The following KDSR variants were observed in gnomAD, a reference collection of about 807,000 sequenced individuals.
The protein encoded by KDSR is 3-ketodihydrosphingosine reductase.
A neutral mutation model predicts 41.3 loss-of-function variants in KDSR; 23 were observed. That is an observed-to-expected ratio of 0.56 (90% CI 0.40 to 0.79). The LOEUF (loss-of-function observed/expected upper bound fraction) is 0.79, where lower values mean the gene tolerates loss of function less well. Ranked by LOEUF, KDSR falls within the 30% of genes least tolerant of loss-of-function variation. The probability of loss-of-function intolerance (pLI) is 0.00; values close to 1 mark genes in which losing one functional copy is unlikely to be tolerated. For missense variants in KDSR, 351 were observed against 416.8 expected, an observed-to-expected ratio of 0.84 and a Z score of 1.37; for synonymous variants, 138 against 151.7, an observed-to-expected ratio of 0.91 and a Z score of 0.66.
chr18:63,366,405 C>G (rs950689750), intron 1 of KDSR: 1 of 152,490 alleles, frequency 6.6e-6, no homozygotes, highest in Non-Finnish European at 1.5e-5. Context: ...GTCCCAATAC[C>G]GCTAAGCCAC....
Position 63,331,859 on chromosome 18 carries a change from G to T in KDSR, c.922C>A (p.Leu308Ile). 6.2e-7 allele frequency: 1 copy of T among 1,613,902 alleles called. No individual in the cohort carries two copies. The highest frequency in any genetic ancestry group is 1.1e-5 in the South Asian group (1 of 90,984). Residue 308 changes from leucine (L) to isoleucine (I), a missense_variant, in exon 10 of 10, where the codon CTT becomes ATT. Transcript: ENST00000645214. ...CGAACTATGCTGTCAAAACTTCCAA[G>T]GTAAAACAAAGCAATAGTGCGGAAA... ...GLFRTIALFY[L>I]GSFDSIVRRC...
chr18:63,355,972 A>C (rs1914782594), intron 3 of KDSR, among the ~76,000 whole-genome samples: 4 of 152,198 alleles, frequency 2.6e-5, no homozygotes, highest in African/African-American at 9.7e-5. Flanking sequence ...CAAAATTCCT[A>C]AGAAAAGGAA....
At position 63,330,293 on chromosome 18, in the gene KDSR, C is replaced by T. The variant is rs972747301; in HGVS notation, c.*1489G>A. The stretch of plus-strand genomic sequence containing the variant: ...TTCAAAAACAGAGGTCTTTTCTCAC[C>T]GAAGTGATCTGGAATGTGCTACCGT... On this transcript the variant is annotated 3_prime_UTR_variant, in exon 10 of 10. Coordinates refer to ENST00000645214, the MANE Select transcript of KDSR (RefSeq NM_002035.4). 1 of 215,870 alleles carries T rather than the reference C, an allele frequency of 4.6e-6. No homozygotes were observed. The highest frequency in any genetic ancestry group is 6.8e-5 in the East Asian group (1 of 14,642). The allele number at this position is 215,870 out of a possible 1,614,324, so 13.4% of individuals were successfully genotyped here.
intron 9 of KDSR, among the ~76,000 whole-genome samples, chr18:63,333,258 C>T (rs1914065138): frequency 6.6e-6 from 1 of 152,014 alleles, no homozygotes; most frequent in African/African-American, 2.4e-5. Context: ...TTTTCTTTTA[C>T]ATTTTTTTGT....
chr18:63,342,639 A>T (rs1914375492), intron 7 of KDSR, among the ~76,000 whole-genome samples: 1 of 152,230 alleles, frequency 6.6e-6, no homozygotes, highest in Non-Finnish European at 1.5e-5. Context: ...TATGAGCACT[A>T]AACCTGATTT....
chr18:63,332,629 A>G (rs1482141316), intron 9 of KDSR, among the ~76,000 whole-genome samples: 2 of 152,140 alleles, frequency 1.3e-5, no homozygotes, highest in Non-Finnish European at 2.9e-5. Flanking sequence ...CAGGAGATTG[A>G]GACCATCCTG....
chr18:63,351,569 C>T (rs1914662758), intron 5 of KDSR, among the ~76,000 whole-genome samples: 1 of 152,120 alleles, frequency 6.6e-6, no homozygotes, highest in African/African-American at 2.4e-5. Context: ...GAAAGTCAGA[C>T]ATTCTACTTA....
At position 63,359,662 on chromosome 18, in the gene KDSR, G is replaced by A; in HGVS notation, c.255+74C>T. 3 of 947,066 alleles carry A rather than the reference G, an allele frequency of 3.2e-6. No homozygotes were observed. In the South Asian group the frequency reaches 3.9e-5, roughly 12 times the overall value. The allele number at this position is 947,066 out of a possible 1,614,324, so 58.7% of individuals were successfully genotyped here. ...TGCTTTCAATTAACTATTCACAGGT[G>A]AAGTAACTCTGTTTTTCCTTTATAC... On this transcript the variant is annotated intron_variant, in intron 3 of 9. Coordinates refer to ENST00000645214, the MANE Select transcript of KDSR (RefSeq NM_002035.4).
intron 5 of KDSR, among the ~76,000 whole-genome samples, chr18:63,351,710 A>G (rs1010043523): frequency 6.6e-6 from 1 of 152,206 alleles, no homozygotes; most frequent in Non-Finnish European, 1.5e-5. Context: ...TATGATGGGT[A>G]AGAGTACTAA....
At chr18:63,342,397 T>C (rs1484391939) in intron 7 of KDSR, among the ~76,000 whole-genome samples, 2 of 152,036 alleles carry the variant, frequency 1.3e-5, no homozygotes, top group African/African-American at 4.8e-5. Context: ...ACACCACCGC[T>C]GGGTGGCAGA....
intron 2 of KDSR, 121 bp downstream of exon 2, chr18:63,362,658 C>T: frequency 1.5e-6 from 1 of 648,842 alleles, no homozygotes; most frequent in Non-Finnish European, 2.7e-6. Flanking sequence ...GTTCAGGAAA[C>T]ACATCTCACA....
chr18:63,360,679 T>C (rs1914933010), intron 2 of KDSR, among the ~76,000 whole-genome samples: 1 of 151,850 alleles, frequency 6.6e-6, no homozygotes, highest in South Asian at 2.1e-4. Flanking sequence ...GCTCAGGAGT[T>C]TGAGACCAGC....
At chr18:63,337,971 C>T (rs1914231236) in intron 8 of KDSR, among the ~76,000 whole-genome samples, 1 of 152,148 alleles carries the variant, frequency 6.6e-6, no homozygotes, top group African/African-American at 2.4e-5. Flanking sequence ...ACAAAAAACA[C>T]CAAATGCATT....
chr18:63,363,592 G>A (rs1446054157), intron 1 of KDSR, among the ~76,000 whole-genome samples: 1 of 151,530 alleles, frequency 6.6e-6, no homozygotes, highest in African/African-American at 2.4e-5. Flanking sequence ...TGGTGTATAT[G>A]TGCCACATTT....
chr18:63,349,257 C>T (rs1914597460), intron 6 of KDSR, among the ~76,000 whole-genome samples: 1 of 152,084 alleles, frequency 6.6e-6, no homozygotes, highest in African/African-American at 2.4e-5. Context: ...GTAGTGTGCA[C>T]TTGTGGTCTT....
intron 7 of KDSR, among the ~76,000 whole-genome samples, chr18:63,339,224 C>T (rs1568276642): frequency 1.3e-5 from 2 of 151,700 alleles, no homozygotes; most frequent in African/African-American, 4.8e-5. Flanking sequence ...TGGCCGGACA[C>T]CTGAATGATG....
chr18:63,348,710 T>C (rs1914585348), intron 6 of KDSR, among the ~76,000 whole-genome samples: 1 of 152,180 alleles, frequency 6.6e-6, no homozygotes, highest in South Asian at 2.1e-4. Flanking sequence ...TTCTTTTTCC[T>C]CTTTTTTAGC....
In KDSR at chr18:63,338,846, A is replaced by C; in HGVS notation, c.731T>G (p.Val244Gly). 1 of 1,609,918 alleles carries C rather than the reference A, an allele frequency of 6.2e-7. No individual in the cohort carries two copies. Among genetic ancestry groups the C allele is most frequent in the South Asian group, 1.1e-5 (1 of 89,932 alleles). The change falls in exon 8 of 10, where the codon GTG becomes GGG. Residue 244 changes from valine to glycine, a missense_variant. Val to Gly is a moderately radical substitution (Grantham distance 109). Coordinates refer to ENST00000645214, the MANE Select transcript of KDSR (RefSeq NM_002035.4). ...ETRLISETTS[V>G]CKPEQVAKQI... Reference sequence around the variant, plus strand: ...TTTGGCCACCTGTTCTGGTTTGCACACAGATGTGGTCTCTGAAATAAGTCG... The same window carrying C: ...TTTGGCCACCTGTTCTGGTTTGCACCCAGATGTGGTCTCTGAAATAAGTCG...
intron 5 of KDSR, among the ~76,000 whole-genome samples, chr18:63,352,021 C>T (rs1599332795): frequency 6.6e-6 from 1 of 152,110 alleles, no homozygotes; most frequent in African/African-American, 2.4e-5. Context: ...TGGGCTCCAG[C>T]AGTACTCCTG....
Sources: allele counts gnomAD v4.1 joint callset (sites outside exome capture counted in the v4.1 genomes callset), GRCh38; gene constraint gnomAD v4.1.1; transcripts MANE v1.5; gene names NCBI Gene and HGNC (gene_info 2026-07-23, HGNC 2026-07-21).